Variants in NXPH2 observed in about 807,000 individuals in gnomAD.
The protein encoded by NXPH2 is neurexophilin 2, also known as neurexophilin-2.
A neutral mutation model predicts 19.8 loss-of-function variants in NXPH2; 5 were observed. That is an observed-to-expected ratio of 0.25 (90% confidence interval 0.13 to 0.53). The LOEUF (loss-of-function observed/expected upper bound fraction) is 0.53. NXPH2 is among the 20% of genes least tolerant of loss of function. NXPH2 has a pLI of 0.96. For missense variants in NXPH2, 289 were observed against 322.8 expected (o/e 0.90, Z 0.80); for synonymous variants, 154 against 127.4 (o/e 1.21, Z -1.41).
At chr2:138,686,614 C>T (rs13421723) in intron 1 of NXPH2, among the ~76,000 whole-genome samples, 6,697 of 152,054 alleles carry the variant, frequency 0.044, 498 homozygotes, top group African/African-American at 0.15. Context: ...AAGTTTGTTA[C>T]ATATGTATAC....
intron 1 of NXPH2, among the ~76,000 whole-genome samples, chr2:138,684,389 G>A (rs1348306132): frequency 6.6e-6 from 1 of 151,976 alleles, no homozygotes; most frequent in Non-Finnish European, 1.5e-5. Flanking sequence ...TCATTATAAA[G>A]TAAAAAGTTT....
intron 1 of NXPH2, among the ~76,000 whole-genome samples, chr2:138,734,815 T>C (rs954599392): frequency 2.6e-5 from 4 of 152,156 alleles, no homozygotes; most frequent in Non-Finnish European, 5.9e-5. Flanking sequence ...AGATGCAATA[T>C]GGTGAGCATG....
intron 1 of NXPH2, among the ~76,000 whole-genome samples, chr2:138,765,802 T>C (rs1029068797): frequency 1.3e-5 from 2 of 152,244 alleles, no homozygotes; most frequent in African/African-American, 2.4e-5. Context: ...TCCTACTATA[T>C]TTTAATTGTA....
At chr2:138,701,988 G>A (rs932744757) in intron 1 of NXPH2, among the ~76,000 whole-genome samples, 1 of 152,150 alleles carries the variant, frequency 6.6e-6, no homozygotes, top group Admixed American at 6.5e-5. Flanking sequence ...TTAAGGCAAA[G>A]CTAGTGTGGA....
At chr2:138,725,719 T>A (rs142197100) in intron 1 of NXPH2, among the ~76,000 whole-genome samples, 1 of 152,338 alleles carries the variant, frequency 6.6e-6, no homozygotes, top group East Asian at 1.9e-4. Flanking sequence ...TTAAAAATCA[T>A]CTTCTGACGG....
chr2:138,694,739 G>GGT (rs1355513601), intron 1 of NXPH2, among the ~76,000 whole-genome samples: 1 of 152,078 alleles, frequency 6.6e-6, no homozygotes, highest in Non-Finnish European at 1.5e-5. Context: ...ACTTTATGAT[G>GGT]GTGTGAAAGT....
intron 1 of NXPH2, among the ~76,000 whole-genome samples, chr2:138,751,195 A>C (rs746431327): frequency 2.0e-5 from 3 of 152,162 alleles, no homozygotes; most frequent in Non-Finnish European, 4.4e-5. Flanking sequence ...TTGACACAGA[A>C]GGTACTTGGC....
chr2:138,775,154 A>G (rs2104846107), intron 1 of NXPH2, among the ~76,000 whole-genome samples: 1 of 152,322 alleles, frequency 6.6e-6, no homozygotes, highest in Middle Eastern at 3.4e-3. Context: ...TAGGAAAAAG[A>G]AAAATATTTC....
At chr2:138,721,694 C>T (rs185393964) in intron 1 of NXPH2, among the ~76,000 whole-genome samples, 1 of 152,192 alleles carries the variant, frequency 6.6e-6, no homozygotes, top group East Asian at 1.9e-4. Context: ...ACAGAAGAGA[C>T]ACAAACTATG....
intron 1 of NXPH2, among the ~76,000 whole-genome samples, chr2:138,699,961 TC>T (rs1573958748): frequency 6.6e-6 from 1 of 152,228 alleles, no homozygotes. Flanking sequence ...ATAACATTGT[TC>T]CGTTCAGGTG....
At chr2:138,759,619 T>G (rs1373716523) in intron 1 of NXPH2, among the ~76,000 whole-genome samples, 3 of 152,022 alleles carry the variant, frequency 2.0e-5, no homozygotes, top group African/African-American at 7.3e-5. Context: ...AAATTTCCAC[T>G]TGTATATCAC....
At chr2:138,770,301 T>A (rs1478898335) in intron 1 of NXPH2, among the ~76,000 whole-genome samples, 2 of 152,146 alleles carry the variant, frequency 1.3e-5, no homozygotes, top group African/African-American at 4.8e-5. Context: ...TTAGTTATAT[T>A]TCATTTATGA....
chr2:138,730,408 AG>A (rs1319582414), intron 1 of NXPH2, among the ~76,000 whole-genome samples: 12 of 151,988 alleles, frequency 7.9e-5, no homozygotes, highest in Admixed American at 7.2e-4. Context: ...TCACATTTTG[AG>A]GTCCTGGAGG....
intron 1 of NXPH2, among the ~76,000 whole-genome samples, chr2:138,748,198 G>A (rs1329035975): frequency 1.3e-5 from 2 of 152,172 alleles, no homozygotes; most frequent in African/African-American, 4.8e-5. Flanking sequence ...AAAGGACAAT[G>A]AGCAATTAAA....
intron 1 of NXPH2, among the ~76,000 whole-genome samples, chr2:138,749,685 T>C (rs1416664379): frequency 6.6e-6 from 1 of 152,096 alleles, no homozygotes; most frequent in Admixed American, 6.6e-5. Context: ...AAAAAGTAAT[T>C]TTAAATCACA....
At chr2:138,759,617 A>C (rs545249507) in intron 1 of NXPH2, among the ~76,000 whole-genome samples, 215 of 151,846 alleles carry the variant, frequency 1.4e-3, no homozygotes, top group African/African-American at 5.1e-3. Flanking sequence ...GCAAATTTCC[A>C]CTTGTATATC....
At chr2:138,752,485 CAGTTTTA>C (rs1681842342) in intron 1 of NXPH2, among the ~76,000 whole-genome samples, 3 of 152,154 alleles carry the variant, frequency 2.0e-5, no homozygotes, top group African/African-American at 7.2e-5. Flanking sequence ...AATGCCAGAA[CAGTTTTA>C]AGTTTGCATA....
intron 1 of NXPH2, among the ~76,000 whole-genome samples, chr2:138,741,317 G>C (rs1283039438): frequency 6.6e-6 from 1 of 152,172 alleles, no homozygotes; most frequent in Non-Finnish European, 1.5e-5. Context: ...TGGCCCAAGA[G>C]ACTCACACAC....
At chr2:138,702,346 C>T (rs2104982732) in intron 1 of NXPH2, among the ~76,000 whole-genome samples, 1 of 152,286 alleles carries the variant, frequency 6.6e-6, no homozygotes, top group South Asian at 2.1e-4. Context: ...GTCTTGAACT[C>T]TTGGCCCAAG....
Sources: allele counts gnomAD v4.1 joint callset (sites outside exome capture counted in the v4.1 genomes callset), GRCh38; gene constraint gnomAD v4.1.1; transcripts MANE v1.5; gene names NCBI Gene and HGNC (gene_info 2026-07-23, HGNC 2026-07-21).